The following DOCK10 variants were observed in gnomAD, a reference collection of about 807,000 sequenced individuals.
The protein encoded by DOCK10 is dedicator of cytokinesis 10.
In DOCK10, 145 loss-of-function variants were observed where a neutral mutation model predicts 280.1. The ratio of observed to expected loss-of-function variants is 0.52; its 90% CI spans 0.45 to 0.59. The LOEUF (loss-of-function observed/expected upper bound fraction) is 0.59, where lower values mean the gene tolerates loss of function less well. Ranked by LOEUF, DOCK10 falls within the 20% of genes least tolerant of loss-of-function variation. The pLI is 0.00. For missense variants in DOCK10, 2,368 were observed against 2,651.7 expected (o/e 0.89, Z 2.35); for synonymous variants, 915 against 942.2 (o/e 0.97, Z 0.53).
intron 1 of DOCK10, among the ~76,000 whole-genome samples, chr2:224,976,302 G>A (rs1705436182): frequency 6.6e-6 from 1 of 152,140 alleles, no homozygotes; most frequent in Non-Finnish European, 1.5e-5. Context: ...TTAAAACCTA[G>A]ATGATGGGTT....
At chr2:224,801,553 ATC>A (rs1693015758) in intron 40 of DOCK10, among the ~76,000 whole-genome samples, 1 of 152,116 alleles carries the variant, frequency 6.6e-6, no homozygotes, top group Non-Finnish European at 1.5e-5. Flanking sequence ...GAGTGTGTGC[ATC>A]TCTAAGTTCA....
At chr2:224,899,878 C>T (rs932963326) in intron 3 of DOCK10, among the ~76,000 whole-genome samples, 13 of 152,180 alleles carry the variant, frequency 8.5e-5, no homozygotes, top group African/African-American at 2.9e-4. Context: ...ATAGAGGGTA[C>T]AGCCTTGGGA....
At chr2:224,776,993 C>G (rs1690913885) in intron 51 of DOCK10, among the ~76,000 whole-genome samples, 1 of 152,182 alleles carries the variant, frequency 6.6e-6, no homozygotes. Context: ...TGCACAGGTC[C>G]TTCTCTTCTT....
intron 38 of DOCK10, 32 bp downstream of exon 38, chr2:224,804,762 C>A: frequency 7.3e-7 from 1 of 1,369,962 alleles, no homozygotes; most frequent in Non-Finnish European, 9.9e-7. Flanking sequence ...TTTAAAAGAC[C>A]AGATTAACCT....
intron 27 of DOCK10, among the ~76,000 whole-genome samples, chr2:224,829,989 G>A (rs1159482202): frequency 6.6e-6 from 1 of 152,196 alleles, no homozygotes; most frequent in Non-Finnish European, 1.5e-5. Context: ...TCGCTCAAAT[G>A]TTCCTTCAAG....
intron 2 of DOCK10, among the ~76,000 whole-genome samples, chr2:224,925,978 T>C (rs576384084): frequency 1.3e-5 from 2 of 152,366 alleles, no homozygotes; most frequent in Non-Finnish European, 2.9e-5. Context: ...CTTTGGTGAC[T>C]AAGTTCTTTA....
chr2:224,917,331 T>G (rs1701393105), intron 2 of DOCK10, among the ~76,000 whole-genome samples: 1 of 152,082 alleles, frequency 6.6e-6, no homozygotes, highest in African/African-American at 2.4e-5. Flanking sequence ...GGTCCTGAAC[T>G]CCTGACCTCA....
chr2:224,950,277 TTAAA>T (rs1303148265), intron 1 of DOCK10, among the ~76,000 whole-genome samples: 1 of 152,132 alleles, frequency 6.6e-6, no homozygotes, highest in Admixed American at 6.5e-5. Flanking sequence ...GATCTAGCAA[TTAAA>T]TAAAAAATGA....
chr2:224,875,281 G>A (rs1282423740), intron 8 of DOCK10, among the ~76,000 whole-genome samples: 1 of 152,104 alleles, frequency 6.6e-6, no homozygotes, highest in Non-Finnish European at 1.5e-5. Context: ...ATTACTCCAT[G>A]GCTCTTTCAC....
chr2:224,803,758 T>C (rs1693171283), intron 39 of DOCK10, among the ~76,000 whole-genome samples: 1 of 152,096 alleles, frequency 6.6e-6, no homozygotes, highest in South Asian at 2.1e-4. Flanking sequence ...CACTGGAAGA[T>C]TAGCTAGCAT....
intron 30 of DOCK10, among the ~76,000 whole-genome samples, chr2:224,816,243 A>G (rs1174586324): frequency 2.0e-5 from 3 of 149,178 alleles, no homozygotes; most frequent in Non-Finnish European, 3.0e-5. Flanking sequence ...TAAATTATAT[A>G]TATAGTACTT....
At chr2:224,917,542 C>T (rs1467567018) in intron 2 of DOCK10, among the ~76,000 whole-genome samples, 1 of 151,710 alleles carries the variant, frequency 6.6e-6, no homozygotes, top group East Asian at 1.9e-4. Context: ...TGTGTGTGCA[C>T]ATGTAGTTGT....
chr2:224,856,956 T>C lies in DOCK10; in HGVS notation c.1712A>G (p.Asn571Ser), dbSNP rs751465474. 6.7e-5 allele frequency: 108 copies of C among 1,611,796 alleles called. No homozygotes were observed. The highest frequency in any genetic ancestry group is 8.8e-5 in the Non-Finnish European group (104 of 1,178,676). Residue 571 changes from asparagine to serine, a missense_variant, in exon 15 of 56, where the codon AAT becomes AGT. This residue lies in a region of DOCK10 where 1,209 missense variants were observed against 1,250.9 expected (regional missense o/e 0.97). Coordinates refer to ENST00000258390, the MANE Select transcript of DOCK10 (RefSeq NM_014689.3). The stretch of plus-strand genomic sequence containing the variant: ...TGAAAATCTTGAGTCTCTGTCCACA[T>C]TTCCCTGGTTGTCCTTAAATACTGA... ...VRSVFKDNQG[N>S]VDRDSRFSPL...
intron 1 of DOCK10, among the ~76,000 whole-genome samples, chr2:224,961,474 T>TTCTTTCTTTCTTTTTCTC: frequency 6.9e-6 from 1 of 145,938 alleles, no homozygotes; most frequent in African/African-American, 2.5e-5. Context: ...TTCTTTTTCT[T>TTCTTTCTTTCTTTTTCTC]TCTTTCTTTC....
At chr2:224,907,199 A>C (rs747705640) in intron 3 of DOCK10, among the ~76,000 whole-genome samples, 3 of 152,234 alleles carry the variant, frequency 2.0e-5, no homozygotes, top group African/African-American at 4.8e-5. Flanking sequence ...TTAAGGGCTA[A>C]AAGAGTATTA....
At chr2:224,813,287 C>T (rs954618920) in intron 31 of DOCK10, among the ~76,000 whole-genome samples, 2 of 152,164 alleles carry the variant, frequency 1.3e-5, no homozygotes, top group Admixed American at 1.3e-4. Flanking sequence ...CCTCTGCCTC[C>T]AGGGTTCAAG....
At chr2:224,925,675 A>ATAGT (rs950532564) in intron 2 of DOCK10, among the ~76,000 whole-genome samples, 9 of 152,212 alleles carry the variant, frequency 5.9e-5, no homozygotes, top group African/African-American at 2.2e-4. Context: ...AAATTGAAGT[A>ATAGT]TAGTTGATAG....
chr2:225,029,001 T>TA (rs1468974947), intron 1 of DOCK10, among the ~76,000 whole-genome samples: 1 of 152,152 alleles, frequency 6.6e-6, no homozygotes. Context: ...CCCATGGAAA[T>TA]ATATTCTAGA....
intron 1 of DOCK10, chr2:224,947,028 A>T (rs1366731359): frequency 4.2e-6 from 6 of 1,445,078 alleles, no homozygotes; most frequent in Admixed American, 5.8e-5. Context: ...AAGCGTCACC[A>T]GGCTGAACAA....
Sources: gnomAD v4.1 joint callset for allele counts (sites outside exome capture counted in the v4.1 genomes callset) on GRCh38, gnomAD v4.1.1 for gene constraint, gnomAD v4.1.1 regional missense constraint, MANE v1.5 for transcripts, NCBI Gene and HGNC (gene_info 2026-07-23, HGNC 2026-07-21) for gene names.